The following NUP210L variants were observed in gnomAD, a reference collection of about 807,000 sequenced individuals.
NUP210L encodes nucleoporin 210 like, also known as nuclear pore membrane glycoprotein 210-like.
In NUP210L, 74 loss-of-function variants were observed where a neutral mutation model predicts 208.5. The ratio of observed to expected loss-of-function variants is 0.35; its 90% CI spans 0.29 to 0.43. The LOEUF (loss-of-function observed/expected upper bound fraction) is 0.43. Ranked by LOEUF, NUP210L falls within the 20% of genes least tolerant of loss-of-function variation. The pLI, the probability that NUP210L is intolerant of heterozygous loss-of-function variation, is 1.00. For missense variants in NUP210L, 1,843 were observed against 2,289.4 expected (o/e 0.81, Z 3.98); for synonymous variants, 780 against 816.9 (o/e 0.95, Z 0.77).
chr1:154,097,712 G>A (rs1053703120), intron 14 of NUP210L, among the ~76,000 whole-genome samples: 7 of 151,876 alleles, frequency 4.6e-5, no homozygotes, highest in Non-Finnish European at 1.0e-4. Flanking sequence ...TTTCCCTGTG[G>A]GTGCTCCTTA....
intron 27 of NUP210L, among the ~76,000 whole-genome samples, chr1:154,043,815 C>T (rs1428095469): frequency 4.7e-5 from 7 of 147,980 alleles, no homozygotes; most frequent in Non-Finnish European, 7.5e-5. Context: ...TTAGTAGAGA[C>T]GGGGTTACAC....
At chr1:154,144,675 T>C (rs889445411) in intron 2 of NUP210L, among the ~76,000 whole-genome samples, 1 of 152,278 alleles carries the variant, frequency 6.6e-6, no homozygotes, top group African/African-American at 2.4e-5. Context: ...TCTACTATTG[T>C]AACATTTAGT....
chr1:154,137,541 AC>A (rs1658608773), intron 6 of NUP210L, among the ~76,000 whole-genome samples: 1 of 106,580 alleles, frequency 9.4e-6, no homozygotes, highest in Non-Finnish European at 1.9e-5. Context: ...ACAGAGAGAG[AC>A]TACATCTAGA....
At chr1:154,009,021 T>C (rs985850937) in intron 35 of NUP210L, among the ~76,000 whole-genome samples, 2 of 152,020 alleles carry the variant, frequency 1.3e-5, no homozygotes, top group Middle Eastern at 3.2e-3. Context: ...CAATTCTCCC[T>C]GCCTCAGTCT....
chr1:154,092,433 G>A (rs1172233485), intron 15 of NUP210L, among the ~76,000 whole-genome samples: 8 of 150,248 alleles, frequency 5.3e-5, no homozygotes, highest in South Asian at 4.2e-4. Context: ...GCAGTGGCGC[G>A]ATCTCAGCTC....
intron 35 of NUP210L, among the ~76,000 whole-genome samples, chr1:154,008,326 A>G (rs1650690718): frequency 6.6e-6 from 1 of 151,982 alleles, no homozygotes; most frequent in African/African-American, 2.4e-5. Flanking sequence ...GCCGAGGTGG[A>G]TCACTTGAGG....
chr1:154,008,735 A>C (rs1381290887), intron 35 of NUP210L, among the ~76,000 whole-genome samples: 7 of 151,812 alleles, frequency 4.6e-5, no homozygotes, highest in Admixed American at 2.0e-4. Context: ...AAAACAAACA[A>C]ACCAAAAATT....
In NUP210L at chr1:154,134,503, C is replaced by T. The variant is rs1407989307; in HGVS notation, c.1009+1311G>A. On this transcript the variant is annotated intron_variant, in intron 7 of 39. Transcript: ENST00000368559. ...CTGTAATCCCAGCACTTTGGGAGGCCGAGGCGGGCAGATCACAAGGTCAGG... is the reference window on the plus strand; with the variant it reads ...CTGTAATCCCAGCACTTTGGGAGGCTGAGGCGGGCAGATCACAAGGTCAGG... 2.0e-5 allele frequency among the ~76,000 whole-genome samples: 3 copies of T among 148,178 alleles called. No homozygotes were observed. The East Asian group carries it at 6.0e-4, about 30-fold the overall frequency.
At chr1:154,134,329 C>CA (rs1658407787) in intron 7 of NUP210L, among the ~76,000 whole-genome samples, 1 of 151,398 alleles carries the variant, frequency 6.6e-6, no homozygotes, top group Non-Finnish European at 1.5e-5. Context: ...AAATAAAACA[C>CA]AGAGAGATGG....
At chr1:154,119,924 G>A (rs971187036) in intron 10 of NUP210L, among the ~76,000 whole-genome samples, 2 of 152,166 alleles carry the variant, frequency 1.3e-5, no homozygotes, top group Non-Finnish European at 2.9e-5. Context: ...TGGGATGGCT[G>A]GGTCAAATGG....
chr1:154,131,585 C>T (rs1658255982), intron 7 of NUP210L, among the ~76,000 whole-genome samples: 1 of 151,620 alleles, frequency 6.6e-6, no homozygotes, highest in Non-Finnish European at 1.5e-5. Context: ...AAAAAGTATT[C>T]GTTGTGTCTT....
intron 30 of NUP210L, 38 bp downstream of exon 30, chr1:154,025,504 T>G: frequency 1.4e-6 from 2 of 1,404,994 alleles, no homozygotes; most frequent in Non-Finnish European, 1.9e-6. Flanking sequence ...GGTATGACTT[T>G]TATTTATTTG....
intron 24 of NUP210L, 91 bp downstream of exon 24, chr1:154,054,675 ATAAG>A: frequency 1.0e-6 from 1 of 959,672 alleles, no homozygotes; most frequent in South Asian, 1.4e-5. Flanking sequence ...GTGAGAGTAA[ATAAG>A]AGATCAATAG....
chr1:154,004,283 A>G (rs1242618031), intron 35 of NUP210L, among the ~76,000 whole-genome samples: 2 of 151,672 alleles, frequency 1.3e-5, no homozygotes, highest in African/African-American at 2.4e-5. Context: ...GTTAGCCAAG[A>G]TGGTCTCGAT....
chr1:154,107,026 C>T (rs922796116), intron 12 of NUP210L, among the ~76,000 whole-genome samples: 1 of 152,066 alleles, frequency 6.6e-6, no homozygotes, highest in Admixed American at 6.6e-5. Context: ...AAATAAGGCA[C>T]CAGTGACCAA....
chr1:154,061,789 A>C, intron 17 of NUP210L, 115 bp from the exon 18 acceptor site: 1 of 697,322 alleles, frequency 1.4e-6, no homozygotes, highest in Non-Finnish European at 2.5e-6. Context: ...ATTGCAGGGG[A>C]GGAAAAACTC....
chr1:154,133,632 G>A (rs1368975707), intron 7 of NUP210L, among the ~76,000 whole-genome samples: 1 of 151,748 alleles, frequency 6.6e-6, no homozygotes, highest in Non-Finnish European at 1.5e-5. Context: ...TTGAGTCCAG[G>A]AGTTCAAGAG....
At chr1:154,144,230 TGTA>T (rs892306508) in intron 2 of NUP210L, among the ~76,000 whole-genome samples, 4 of 152,128 alleles carry the variant, frequency 2.6e-5, no homozygotes, top group Non-Finnish European at 5.9e-5. Context: ...AAAATAAAGT[TGTA>T]GTCGTATTAA....
exon 39 of NUP210L, chr1:153,993,062 T>G (rs1342411577): frequency 1.2e-6 from 2 of 1,613,682 alleles, no homozygotes; most frequent in Non-Finnish European, 8.5e-7. Flanking sequence ...TGGAACTGTT[T>G]GTATCTTGTT....
Sources: allele counts gnomAD v4.1 joint callset (sites outside exome capture counted in the v4.1 genomes callset), GRCh38; gene constraint gnomAD v4.1.1; transcripts MANE v1.5; gene names NCBI Gene and HGNC (gene_info 2026-07-23, HGNC 2026-07-21).